SHANK2: variants seen among roughly 807,000 people sequenced by gnomAD.
The protein encoded by SHANK2 is SH3 and multiple ankyrin repeat domains protein 2.
A neutral mutation model predicts 133.7 loss-of-function variants in SHANK2; 43 were observed. The observed-to-expected ratio is 0.32, with a 90% confidence interval of 0.25 to 0.41. SHANK2 has a LOEUF of 0.41. Ranked by LOEUF, SHANK2 falls within the 10% of genes least tolerant of loss-of-function variation. The probability of loss-of-function intolerance (pLI) is 1.00; values close to 1 mark genes in which losing one functional copy is unlikely to be tolerated. For synonymous variants in SHANK2, 1,017 were observed against 952.8 expected, an observed-to-expected ratio of 1.07 and a Z score of -1.24; for missense variants, 1,994 against 2,235.8, an observed-to-expected ratio of 0.89 and a Z score of 2.18.
chr11:70,610,301 C>T (rs1013383439), intron 17 of SHANK2, among the ~76,000 whole-genome samples: 4 of 152,110 alleles, frequency 2.6e-5, no homozygotes, highest in South Asian at 2.1e-4. Context: ...TTGTTCACCT[C>T]TTAATACGAG....
At chr11:70,652,963 TC>T (rs1379932832) in intron 17 of SHANK2, among the ~76,000 whole-genome samples, 1 of 152,090 alleles carries the variant, frequency 6.6e-6, no homozygotes, top group Non-Finnish European at 1.5e-5. Context: ...CATCTGGACT[TC>T]ATTTTCTTTC....
At chr11:71,192,862 A>G (rs1953819436) in intron 2 of SHANK2, among the ~76,000 whole-genome samples, 1 of 152,218 alleles carries the variant, frequency 6.6e-6, no homozygotes, top group African/African-American at 2.4e-5. Context: ...TGCCTGCTTA[A>G]TTGCATCGCA....
rs564076875 is a variant in SHANK2 at position 70,805,254 on chromosome 11, G to A, written c.1663+1748C>T. Among the ~76,000 whole-genome samples the A allele has an allele frequency of 3.3e-5, 5 of 152,298 alleles. No individual in the cohort carries two copies. The South Asian group carries it at 1.0e-3, about 32-fold the overall frequency. On this transcript the variant is annotated intron_variant, in intron 13 of 25. Coordinates refer to ENST00000601538, the MANE Select transcript of SHANK2 (RefSeq NM_012309.5). ...CCCACCCTCCGACCCCTGAGCCCCA[G>A]GCTTCTCCTCTTTACAATAGGGACA...
At chr11:70,607,835 A>G (rs1480337255) in intron 17 of SHANK2, among the ~76,000 whole-genome samples, 1 of 152,254 alleles carries the variant, frequency 6.6e-6, no homozygotes, top group Non-Finnish European at 1.5e-5. Flanking sequence ...GAGAGGCCCC[A>G]TGTGGTGGCC....
intron 3 of SHANK2, 38 bp from the exon 4 acceptor site, chr11:71,119,070 G>C (rs1292674523): frequency 1.9e-6 from 3 of 1,538,978 alleles, no homozygotes; most frequent in Non-Finnish European, 1.8e-6. Context: ...GAGTGACAGA[G>C]GACGCTACCT....
At chr11:70,583,342 G>C (rs2060208201) in intron 17 of SHANK2, among the ~76,000 whole-genome samples, 1 of 152,166 alleles carries the variant, frequency 6.6e-6, no homozygotes, top group South Asian at 2.1e-4. Flanking sequence ...GGCCAGGATA[G>C]AGCCAGAAGA....
intron 25 of SHANK2, among the ~76,000 whole-genome samples, chr11:70,476,212 A>G (rs1470157950): frequency 6.6e-6 from 1 of 152,166 alleles, no homozygotes; most frequent in African/African-American, 2.4e-5. Context: ...TGGGCGACTG[A>G]GCTAGACTTC....
intron 8 of SHANK2, among the ~76,000 whole-genome samples, chr11:71,088,707 C>T (rs1218625865): frequency 1.4e-5 from 2 of 146,302 alleles, no homozygotes; most frequent in Middle Eastern, 3.5e-3. Context: ...AGGGGCCTCC[C>T]CTCATCCTGA....
At position 70,502,748 on chromosome 11, in the gene SHANK2, C is replaced by A. The variant is rs528748469; in HGVS notation, c.2197+48G>T. 3.4e-5 allele frequency: 36 copies of A among 1,072,034 alleles called. 2 individuals carry two copies. The highest frequency in any genetic ancestry group is 2.3e-4 in the South Asian group (15 of 64,260). 66.4% of individuals were successfully genotyped at this position (1,072,034 alleles called of 1,614,324 possible). A position where few individuals can be genotyped will look rare whatever the true frequency, so the allele number is the denominator to read the frequency against. ...GCTGTCCTGCCCGCCCCCACCCCCCCCCCCCAGTAGGGCCCCAGGCTGGAG... is the reference window on the plus strand; with the variant it reads ...GCTGTCCTGCCCGCCCCCACCCCCCACCCCCAGTAGGGCCCCAGGCTGGAG... On this transcript the variant is annotated intron_variant, in intron 18 of 25. Transcript: ENST00000601538.
intron 14 of SHANK2, among the ~76,000 whole-genome samples, chr11:70,789,530 C>T (rs1479260785): frequency 6.6e-6 from 1 of 152,158 alleles, no homozygotes; most frequent in African/African-American, 2.4e-5. Context: ...CCAGAAGATT[C>T]CGGAAGCCCA....
At chr11:70,510,795 C>T (rs1247757238) in intron 17 of SHANK2, among the ~76,000 whole-genome samples, 1 of 152,196 alleles carries the variant, frequency 6.6e-6, no homozygotes, top group African/African-American at 2.4e-5. Flanking sequence ...GGGTGGAGCC[C>T]ATGCTCCCAG....
intron 17 of SHANK2, among the ~76,000 whole-genome samples, chr11:70,528,000 T>G (rs534785525): frequency 6.6e-6 from 1 of 152,318 alleles, no homozygotes; most frequent in South Asian, 2.1e-4. Flanking sequence ...CCTGGAGAGC[T>G]GCCAGGAGCA....
At chr11:70,599,897 G>GAAAAAGAA (rs1209201083) in intron 17 of SHANK2, among the ~76,000 whole-genome samples, 4 of 89,484 alleles carry the variant, frequency 4.5e-5, no homozygotes, top group African/African-American at 9.0e-5. Flanking sequence ...GAAAAAGAAA[G>GAAAAAGAA]AAAGAAAGAG....
chr11:70,619,509 G>A (rs1466941968), intron 17 of SHANK2, among the ~76,000 whole-genome samples: 2 of 152,180 alleles, frequency 1.3e-5, no homozygotes, highest in African/African-American at 4.8e-5. Flanking sequence ...TAAGCGATCC[G>A]TGATGACCTC....
intron 17 of SHANK2, among the ~76,000 whole-genome samples, chr11:70,519,287 C>CCCAGATAT (rs2059301517): frequency 6.6e-6 from 1 of 151,984 alleles, no homozygotes; most frequent in Non-Finnish European, 1.5e-5. Context: ...GGCCCAGATA[C>CCCAGATAT]GGGCCGGATA....
intron 17 of SHANK2, among the ~76,000 whole-genome samples, chr11:70,626,680 T>A (rs1221640395): frequency 6.6e-6 from 1 of 152,234 alleles, no homozygotes; most frequent in Non-Finnish European, 1.5e-5. Context: ...GCTCCAGCCC[T>A]GGACCAGAGG....
chr11:70,950,341 CCA>C (rs1212624842), intron 10 of SHANK2, among the ~76,000 whole-genome samples: 1 of 151,450 alleles, frequency 6.6e-6, no homozygotes, highest in East Asian at 2.0e-4. Context: ...CACACCCAGC[CCA>C]TCACACCCAG....
chr11:70,758,359 C>T (rs1378069057), intron 14 of SHANK2, among the ~76,000 whole-genome samples: 10 of 152,072 alleles, frequency 6.6e-5, no homozygotes, highest in African/African-American at 2.4e-4. Context: ...CTGCTGTTCA[C>T]CGCCATCCCA....
chr11:70,596,598 G>A (rs1367533143), intron 17 of SHANK2, among the ~76,000 whole-genome samples: 1 of 152,250 alleles, frequency 6.6e-6, no homozygotes, highest in African/African-American at 2.4e-5. Context: ...CGGGGGGGCG[G>A]CAGGCCCAGC....
Sources: gnomAD v4.1 joint callset for allele counts (sites outside exome capture counted in the v4.1 genomes callset) on GRCh38, gnomAD v4.1.1 for gene constraint, MANE v1.5 for transcripts, NCBI Gene and HGNC (gene_info 2026-07-23, HGNC 2026-07-21) for gene names.